Variants in EYS observed in about 807,000 individuals in gnomAD.
The protein encoded by EYS is EGF-like photoreceptor maintenance factor.
A neutral mutation model predicts 282.1 loss-of-function variants in EYS; 250 were observed. That is an observed-to-expected ratio of 0.89 (90% CI 0.80 to 0.98). EYS has a LOEUF of 0.98. EYS is among the 50% of genes least tolerant of loss of function. The pLI is 0.00. For synonymous variants in EYS, 1,355 were observed against 1,282.9 expected (o/e 1.06, Z -1.20); for missense variants, 4,016 against 3,709.0 (o/e 1.08, Z -2.15).
chr6:64,142,892 G>A (rs1230133047), intron 31 of EYS, among the ~76,000 whole-genome samples: 1 of 152,124 alleles, frequency 6.6e-6, no homozygotes, highest in African/African-American at 2.4e-5. Flanking sequence ...ACTGACTACC[G>A]TGTTTCTGAG....
intron 19 of EYS, 119 bp from the exon 20 acceptor site, chr6:64,822,941 G>A: frequency 1.4e-6 from 1 of 718,976 alleles, no homozygotes; most frequent in South Asian, 2.2e-5. Flanking sequence ...TGATAACTTG[G>A]TATTTGGTAG....
intron 14 of EYS, among the ~76,000 whole-genome samples, chr6:64,984,627 G>GCTAT (rs1206107307): frequency 6.6e-6 from 1 of 151,314 alleles, no homozygotes; most frequent in Non-Finnish European, 1.5e-5. Flanking sequence ...GAATTAGCTA[G>GCTAT]CTATACATTA....
intron 12 of EYS, among the ~76,000 whole-genome samples, chr6:65,226,661 T>C (rs79521371): frequency 0.017 from 2,569 of 152,294 alleles, 85 homozygotes; most frequent in African/African-American, 0.058. Flanking sequence ...ATGACCTTCA[T>C]ATATTGTTTA....
chr6:65,252,189 G>T (rs1767345019), intron 12 of EYS, among the ~76,000 whole-genome samples: 2 of 151,902 alleles, frequency 1.3e-5, no homozygotes, highest in Admixed American at 1.3e-4. Context: ...GAGTGCACAG[G>T]GGAGATGGCA....
chr6:65,330,241 A>T (rs1036425359), intron 11 of EYS: 1 of 952,438 alleles, frequency 1.0e-6, no homozygotes, highest in Non-Finnish European at 1.2e-6. Flanking sequence ...TTTGAAAAAT[A>T]TCTTCCAGTT....
intron 2 of EYS, among the ~76,000 whole-genome samples, chr6:65,569,437 ATCT>A (rs765535144): frequency 2.0e-5 from 3 of 152,228 alleles, no homozygotes; most frequent in African/African-American, 7.2e-5. Flanking sequence ...TCGAAAACAA[ATCT>A]TCTTCTTGCC....
At chr6:63,871,519 G>A (rs1474526497) in intron 35 of EYS, among the ~76,000 whole-genome samples, 1 of 152,002 alleles carries the variant, frequency 6.6e-6, no homozygotes, top group East Asian at 1.9e-4. Context: ...ACAATTAGCT[G>A]GGTGTGGTGG....
intron 31 of EYS, among the ~76,000 whole-genome samples, chr6:64,125,703 G>A (rs1215119070): frequency 6.7e-6 from 1 of 149,962 alleles, no homozygotes; most frequent in African/African-American, 2.5e-5. Context: ...GGAGAATGGC[G>A]TGAACCCGGG....
intron 35 of EYS, among the ~76,000 whole-genome samples, chr6:63,897,602 G>T (rs1039097711): frequency 6.6e-6 from 1 of 152,200 alleles, no homozygotes; most frequent in Non-Finnish European, 1.5e-5. Context: ...TCACCGCAGT[G>T]AAATTAATTT....
chr6:64,097,855 CA>C, intron 31 of EYS, among the ~76,000 whole-genome samples: 1 of 151,944 alleles, frequency 6.6e-6, no homozygotes, highest in East Asian at 1.9e-4. Context: ...AACCAGAACA[CA>C]AAAAAATTGG....
At chr6:64,562,434 C>G (rs1054509220) in intron 26 of EYS, among the ~76,000 whole-genome samples, 1 of 151,470 alleles carries the variant, frequency 6.6e-6, no homozygotes, top group Admixed American at 6.6e-5. Context: ...GATTATAGAA[C>G]CTAAAGTTTA....
chr6:64,799,142 AT>A (rs145492979), intron 22 of EYS, among the ~76,000 whole-genome samples: 6,225 of 151,944 alleles, frequency 0.041, 152 homozygotes, highest in East Asian at 0.072. Flanking sequence ...TTCAGTAAGC[AT>A]TTTTTACAAG....
At chr6:64,788,146 T>C (rs1562192134) in intron 22 of EYS, among the ~76,000 whole-genome samples, 1 of 152,194 alleles carries the variant, frequency 6.6e-6, no homozygotes. Flanking sequence ...TACTTAAGAA[T>C]AAGGAACTAA....
intron 36 of EYS, among the ~76,000 whole-genome samples, chr6:63,850,315 A>G (rs1772212613): frequency 6.6e-6 from 1 of 152,230 alleles, no homozygotes; most frequent in Non-Finnish European, 1.5e-5. Context: ...CAAATTCAGG[A>G]AATACAGAGA....
intron 35 of EYS, among the ~76,000 whole-genome samples, chr6:63,973,717 G>A (rs997039023): frequency 1.3e-5 from 2 of 152,136 alleles, no homozygotes; most frequent in Non-Finnish European, 2.9e-5. Flanking sequence ...AGTGGTGGTA[G>A]TATCTGGACG....
In EYS at chr6:64,626,616, T is replaced by A. The variant is rs1054683543; in HGVS notation, c.3444-371A>T. 6.6e-5 allele frequency among the ~76,000 whole-genome samples: 10 copies of A among 152,074 alleles called. No individual in the cohort carries two copies. The East Asian group carries it at 1.9e-3, about 29-fold the overall frequency. ...GTGAACATGCACATAAAGATTAACA[T>A]TATGCAGCCCTAAGTCAAGGAACAC... is the stretch of plus-strand genomic sequence containing the variant. On this transcript the variant is annotated intron_variant, in intron 22 of 42. Coordinates refer to ENST00000503581, the MANE Select transcript of EYS (RefSeq NM_001142800.2).
intron 5 of EYS, 65 bp from the exon 6 acceptor site, chr6:65,405,432 A>C: frequency 7.9e-7 from 1 of 1,261,058 alleles, no homozygotes. Flanking sequence ...ATGAGCATAG[A>C]TATGTAGCAA....
At chr6:63,904,264 G>A (rs1773722305) in intron 35 of EYS, among the ~76,000 whole-genome samples, 1 of 152,122 alleles carries the variant, frequency 6.6e-6, no homozygotes, top group African/African-American at 2.4e-5. Context: ...GTTGTTTCCA[G>A]TAACTCAGTC....
chr6:64,119,795 G>T (rs1045980106), intron 31 of EYS, among the ~76,000 whole-genome samples: 2 of 152,182 alleles, frequency 1.3e-5, no homozygotes, highest in Non-Finnish European at 2.9e-5. Flanking sequence ...AATCACAGAG[G>T]TGTGTGAAGA....
Sources: gnomAD v4.1 joint callset for allele counts (sites outside exome capture counted in the v4.1 genomes callset) on GRCh38, gnomAD v4.1.1 for gene constraint, MANE v1.5 for transcripts, NCBI Gene and HGNC (gene_info 2026-07-23, HGNC 2026-07-21) for gene names.